Variants in NRBF2 observed in about 807,000 individuals in gnomAD.
NRBF2 encodes nuclear receptor binding factor 2, also known as nuclear receptor-binding factor 2.
A neutral mutation model predicts 28.5 loss-of-function variants in NRBF2; 12 were observed. The ratio of observed to expected loss-of-function variants is 0.42; its 90% CI spans 0.27 to 0.68. The LOEUF (loss-of-function observed/expected upper bound fraction) is 0.68. Ranked by LOEUF, NRBF2 falls within the 30% of genes least tolerant of loss-of-function variation. The pLI, the probability that NRBF2 is intolerant of heterozygous loss-of-function variation, is 0.24. For synonymous variants in NRBF2, 102 were observed against 116.5 expected (o/e 0.88, Z 0.80); for missense variants, 274 against 333.5 (o/e 0.82, Z 1.39).
chr10:63,144,314 A>C (rs1841525831), intron 1 of NRBF2, among the ~76,000 whole-genome samples: 1 of 152,016 alleles, frequency 6.6e-6, no homozygotes, highest in African/African-American at 2.4e-5. Context: ...ATACCCAATA[A>C]GTCGATTTGT....
chr10:63,152,319 G>C (rs1841663471), intron 3 of NRBF2, 129 bp downstream of exon 3: 1 of 656,034 alleles, frequency 1.5e-6, no homozygotes, highest in Non-Finnish European at 2.7e-6. Context: ...AAATGGGCAA[G>C]GGAAGAGCAC....
chr10:63,152,550 C>G (rs957762817), intron 3 of NRBF2, among the ~76,000 whole-genome samples: 3 of 152,140 alleles, frequency 2.0e-5, no homozygotes, highest in Non-Finnish European at 4.4e-5. Context: ...GTTGGACCAC[C>G]CTTTGCTTGT....
intron 3 of NRBF2, among the ~76,000 whole-genome samples, chr10:63,152,981 G>A (rs1841672382): frequency 6.6e-6 from 1 of 152,100 alleles, no homozygotes; most frequent in Non-Finnish European, 1.5e-5. Context: ...CAGCAACAGG[G>A]ACCCTGTCTC....
intron 1 of NRBF2, among the ~76,000 whole-genome samples, chr10:63,135,013 C>T (rs1001829568): frequency 5.3e-5 from 8 of 152,182 alleles, no homozygotes; most frequent in South Asian, 2.1e-4. Context: ...CATGGCGAAA[C>T]CCGGTCTCTA....
intron 2 of NRBF2, chr10:63,150,239 A>G (rs939558591): frequency 7.1e-5 from 21 of 296,514 alleles, no homozygotes; most frequent in African/African-American, 4.1e-4. Context: ...GGTGTGAGCC[A>G]CCACACCCGG....
intron 1 of NRBF2, among the ~76,000 whole-genome samples, chr10:63,138,420 A>T (rs1476242875): frequency 2.6e-5 from 4 of 151,678 alleles, no homozygotes; most frequent in Non-Finnish European, 5.9e-5. Context: ...GGAGGTGAAG[A>T]TAGTGGTAAG....
At chr10:63,148,960 T>C (rs887114165) in intron 2 of NRBF2, among the ~76,000 whole-genome samples, 2 of 152,228 alleles carry the variant, frequency 1.3e-5, no homozygotes, top group African/African-American at 2.4e-5. Flanking sequence ...ATGGATTTGA[T>C]GAATATTTTG....
At chr10:63,143,784 A>C in intron 1 of NRBF2, among the ~76,000 whole-genome samples, 2 of 134,818 alleles carry the variant, frequency 1.5e-5, no homozygotes, top group African/African-American at 2.8e-5. Context: ...ACAAGATCTC[A>C]CTCTGTTGCC....
intron 1 of NRBF2, among the ~76,000 whole-genome samples, chr10:63,142,691 C>T (rs183591241): frequency 2.0e-5 from 3 of 151,170 alleles, no homozygotes; most frequent in Admixed American, 2.0e-4. Context: ...CTCATGTGTT[C>T]AGAATGTATT....
intron 1 of NRBF2, 71 bp downstream of exon 1, chr10:63,133,571 G>T: frequency 8.3e-7 from 1 of 1,202,394 alleles, no homozygotes; most frequent in East Asian, 2.4e-5. Flanking sequence ...CGTCCCCGGC[G>T]CGTCGGCTAA....
At chr10:63,138,320 A>G (rs536579795) in intron 1 of NRBF2, among the ~76,000 whole-genome samples, 1 of 150,690 alleles carries the variant, frequency 6.6e-6, no homozygotes, top group Non-Finnish European at 1.5e-5. Flanking sequence ...ATCAAAAAAC[A>G]AAACAAAACA....
intron 3 of NRBF2, 66 bp from the exon 4 acceptor site, chr10:63,153,445 G>A (rs1841679879): frequency 1.7e-6 from 2 of 1,190,746 alleles, no homozygotes; most frequent in Non-Finnish European, 1.2e-6. Context: ...TTTGAATAGT[G>A]TATGTTGGAC....
chr10:63,135,149 T>TGCACTCCA (rs1841355393), intron 1 of NRBF2, among the ~76,000 whole-genome samples: 1 of 152,220 alleles, frequency 6.6e-6, no homozygotes, highest in African/African-American at 2.4e-5. Flanking sequence ...ATTGTGCCAC[T>TGCACTCCA]GCACTCCAAC....
intron 1 of NRBF2, among the ~76,000 whole-genome samples, chr10:63,134,299 A>G (rs871690): frequency 0.65 from 99,085 of 152,072 alleles, 35,390 homozygotes; most frequent in Non-Finnish European, 0.82. Context: ...CAGACTGGCC[A>G]TTGCATCTTT....
rs1841662772 is a variant in NRBF2, at chr10:63,152,251, A to G, written c.156+61A>G. 9.3e-6 allele frequency: 12 copies of G among 1,285,060 alleles called. No individual in the cohort carries two copies. In the Admixed American group the frequency reaches 1.5e-4, roughly 17 times the overall value. The allele number at this position is 1,285,060 out of a possible 1,614,324, so 79.6% of individuals were successfully genotyped here. A position where few individuals can be genotyped will look rare whatever the true frequency, so the allele number is the denominator to read the frequency against. ...GAAAGGTTTTCTTGTGGAGGCTTGA[A>G]TTGTGTGTAAAGCAAAGCATTGTGT... On this transcript the variant is annotated intron_variant, in intron 3 of 3. Coordinates refer to ENST00000277746, the MANE Select transcript of NRBF2 (RefSeq NM_030759.5).
chr10:63,143,465 G>GT (rs111734517), intron 1 of NRBF2, among the ~76,000 whole-genome samples: 240 of 147,440 alleles, frequency 1.6e-3, no homozygotes, highest in Non-Finnish European at 1.8e-3. Flanking sequence ...GAACAGATTT[G>GT]TTTTTTTTTT....
At chr10:63,145,217 C>T (rs549942428) in intron 1 of NRBF2, among the ~76,000 whole-genome samples, 9 of 147,746 alleles carry the variant, frequency 6.1e-5, no homozygotes, top group African/African-American at 2.0e-4. Context: ...AAGCAGTTCT[C>T]CTGCCTCAGC....
chr10:63,152,168 T>C lies in NRBF2; in HGVS notation c.134T>C (p.Met45Thr). The change falls in exon 3 of 4, where the codon ATG (methionine) becomes ACG (threonine). Residue 45 changes from methionine to threonine, a missense_variant. Physicochemically the swap from Met to Thr is moderately conservative, Grantham distance 81. Coordinates refer to ENST00000277746, the MANE Select transcript of NRBF2 (RefSeq NM_030759.5). ...TTAACAGCATATCTTTCTGAAGCCA[T>C]GAAGCTGACACAGTCAGAGCAGGTG... is the stretch of plus-strand genomic sequence containing the variant. Reference protein sequence around the residue: ...KKAAAYLSEAMKLTQSEQAHL... With the variant: ...KKAAAYLSEATKLTQSEQAHL... The C allele has an allele frequency of 1.2e-6, 2 of 1,613,732 alleles. No homozygotes were observed. Among genetic ancestry groups the C allele is most frequent in the Non-Finnish European group, 1.7e-6 (2 of 1,179,716 alleles).
At chr10:63,135,870 C>T (rs1046965825) in intron 1 of NRBF2, among the ~76,000 whole-genome samples, 1 of 152,300 alleles carries the variant, frequency 6.6e-6, no homozygotes, top group Non-Finnish European at 1.5e-5. Context: ...TGGTCTCGAT[C>T]TCCTGACCTC....
Sources: allele counts gnomAD v4.1 joint callset (sites outside exome capture counted in the v4.1 genomes callset), GRCh38; gene constraint gnomAD v4.1.1; transcripts MANE v1.5; gene names NCBI Gene and HGNC (gene_info 2026-07-23, HGNC 2026-07-21).